The following AGBL4 variants were observed in gnomAD, a reference collection of about 807,000 sequenced individuals.
AGBL4 encodes the protein cytosolic carboxypeptidase 6.
Under a neutral mutation model 66.4 loss-of-function variants are expected in AGBL4, and 58 were observed. The ratio of observed to expected loss-of-function variants is 0.87; its 90% CI spans 0.71 to 1.09. AGBL4 has a LOEUF of 1.09. AGBL4 is among the 50% of genes least tolerant of loss of function. The pLI is 0.00. For missense variants in AGBL4, 579 were observed against 631.0 expected (o/e 0.92, Z 0.88); for synonymous variants, 234 against 222.9 (o/e 1.05, Z -0.44).
intron 3 of AGBL4, among the ~76,000 whole-genome samples, chr1:49,284,024 C>G (rs1644345624): frequency 6.7e-6 from 1 of 149,284 alleles, no homozygotes; most frequent in African/African-American, 2.5e-5. Context: ...GAGAATGCCA[C>G]AAAGATACTC....
At chr1:48,724,671 G>C (rs1323699550) in intron 6 of AGBL4, among the ~76,000 whole-genome samples, 5 of 152,078 alleles carry the variant, frequency 3.3e-5, no homozygotes, top group Non-Finnish European at 7.4e-5. Context: ...TGCAGTTTGG[G>C]GGGTATTTCC....
At chr1:48,698,288 C>T (rs1005448146) in intron 6 of AGBL4, among the ~76,000 whole-genome samples, 2 of 152,118 alleles carry the variant, frequency 1.3e-5, no homozygotes, top group Admixed American at 6.5e-5. Context: ...CTGGAGTGGA[C>T]AGGGAAAGGT....
At chr1:49,320,871 G>A (rs1279719853) in intron 3 of AGBL4, among the ~76,000 whole-genome samples, 2 of 152,108 alleles carry the variant, frequency 1.3e-5, no homozygotes, top group East Asian at 3.9e-4. Flanking sequence ...ATAGCAGAAG[G>A]GGAAGGGGAA....
chr1:48,704,861 C>G (rs537066356), intron 6 of AGBL4, among the ~76,000 whole-genome samples: 48 of 152,298 alleles, frequency 3.2e-4, no homozygotes, highest in Non-Finnish European at 6.2e-4. Flanking sequence ...AGTACATAAG[C>G]CAATCCCACA....
intron 2 of AGBL4, among the ~76,000 whole-genome samples, chr1:49,781,108 G>C (rs1412969584): frequency 1.3e-5 from 2 of 152,102 alleles, no homozygotes; most frequent in African/African-American, 4.8e-5. Flanking sequence ...TGTTATAAGA[G>C]GCCAAGAGTG....
chr1:49,064,648 T>C (rs1180487024), intron 4 of AGBL4, among the ~76,000 whole-genome samples: 6 of 152,196 alleles, frequency 3.9e-5, no homozygotes, highest in Non-Finnish European at 1.5e-5. Context: ...AATTGTATCT[T>C]AATACTTATA....
chr1:49,456,111 A>G (rs1646382567), intron 3 of AGBL4, among the ~76,000 whole-genome samples: 2 of 151,724 alleles, frequency 1.3e-5, no homozygotes, highest in South Asian at 4.1e-4. Context: ...CTTTTCTTTT[A>G]AATGAGCTTC....
chr1:48,901,108 G>A (rs753386150), intron 5 of AGBL4, among the ~76,000 whole-genome samples: 2 of 152,098 alleles, frequency 1.3e-5, no homozygotes, highest in East Asian at 3.8e-4. Context: ...TGGTAAATAA[G>A]CACATAAGAA....
chr1:50,008,004 C>A (rs1383063659), intron 1 of AGBL4, among the ~76,000 whole-genome samples: 1 of 133,584 alleles, frequency 7.5e-6, no homozygotes, highest in Non-Finnish European at 1.7e-5. Flanking sequence ...GTACCCCACA[C>A]TGGAGCACCC....
chr1:49,359,049 ATG>A lies in AGBL4; in HGVS notation c.283-113187_283-113186del, dbSNP rs1184397578. On this transcript the variant is annotated intron_variant, in intron 3 of 13. Transcript: ENST00000371839. ...TTTCAGCAGGCCTGCAGTGAGCACC[ATG>A]TGTGCGTACATACATTAAAAGCTGG... is the stretch of plus-strand genomic sequence containing the variant. Among the ~76,000 whole-genome samples the A allele has an allele frequency of 3.3e-5, 5 of 151,898 alleles. No individual in the cohort carries two copies. In the East Asian group the frequency reaches 9.6e-4, roughly 29 times the overall value.
At chr1:49,328,500 T>C (rs1645268848) in intron 3 of AGBL4, among the ~76,000 whole-genome samples, 1 of 152,222 alleles carries the variant, frequency 6.6e-6, no homozygotes, top group South Asian at 2.1e-4. Flanking sequence ...TGGGGTCTAG[T>C]CCTCTCTTTT....
intron 5 of AGBL4, among the ~76,000 whole-genome samples, chr1:48,872,325 C>T (rs1035665183): frequency 1.3e-5 from 2 of 152,098 alleles, no homozygotes; most frequent in Non-Finnish European, 2.9e-5. Context: ...AATTTTTCAT[C>T]CCAGGCTGCA....
At chr1:49,781,906 A>G (rs1245739516) in intron 2 of AGBL4, among the ~76,000 whole-genome samples, 1 of 152,154 alleles carries the variant, frequency 6.6e-6, no homozygotes, top group Non-Finnish European at 1.5e-5. Flanking sequence ...GTCAAAAAAG[A>G]GATTACAAGG....
At chr1:49,764,053 G>T (rs370544371) in intron 2 of AGBL4, among the ~76,000 whole-genome samples, 1 of 151,978 alleles carries the variant, frequency 6.6e-6, no homozygotes, top group African/African-American at 2.4e-5. Context: ...CATACTTCAC[G>T]CTGCGCAACC....
chr1:49,645,766 G>GT (rs1645873808), intron 3 of AGBL4, among the ~76,000 whole-genome samples: 1 of 126,110 alleles, frequency 7.9e-6, no homozygotes, highest in Non-Finnish European at 1.7e-5. Flanking sequence ...GAACATAGAT[G>GT]CAAAAAAAAA....
Position 48,839,888 on chromosome 1 carries a change from G to A in AGBL4, c.634+27303C>T, listed in dbSNP as rs180679740. Reference sequence around the variant, plus strand: ...GTGTATCAACTGCGGCCAAATTTCTGTATGCAAGGGAGGCTTCTATGTCTT... The same window carrying A: ...GTGTATCAACTGCGGCCAAATTTCTATATGCAAGGGAGGCTTCTATGTCTT... On this transcript the variant is annotated intron_variant, in intron 6 of 13. Transcript: ENST00000371839. 1.8e-3 allele frequency among the ~76,000 whole-genome samples: 268 copies of A among 152,192 alleles called. 1 individual carries two copies. The highest frequency in any genetic ancestry group is 5.0e-3 in the Admixed American group (76 of 15,286).
intron 3 of AGBL4, among the ~76,000 whole-genome samples, chr1:49,381,048 G>C (rs560613483): frequency 6.6e-6 from 1 of 152,150 alleles, no homozygotes; most frequent in East Asian, 1.9e-4. Context: ...TACCATCAGA[G>C]TGAACAGGCA....
chr1:49,864,864 G>A (rs917465993), intron 1 of AGBL4, among the ~76,000 whole-genome samples: 1 of 152,188 alleles, frequency 6.6e-6, no homozygotes, highest in African/African-American at 2.4e-5. Flanking sequence ...TGAGCTGCTG[G>A]GGCGAGGGGA....
At chr1:48,794,537 G>A (rs1000505320) in intron 6 of AGBL4, among the ~76,000 whole-genome samples, 5 of 152,076 alleles carry the variant, frequency 3.3e-5, no homozygotes, top group East Asian at 1.9e-4. Flanking sequence ...TGCCTCTACC[G>A]AACCTACTCT....
Sources: allele counts gnomAD v4.1 joint callset (sites outside exome capture counted in the v4.1 genomes callset), GRCh38; gene constraint gnomAD v4.1.1; transcripts MANE v1.5; gene names NCBI Gene and HGNC (gene_info 2026-07-23, HGNC 2026-07-21).